The following RCAN1 variants were observed in gnomAD, a reference collection of about 807,000 sequenced individuals.
The protein encoded by RCAN1 is regulator of calcineurin 1.
Under a neutral mutation model 22.9 loss-of-function variants are expected in RCAN1, and 11 were observed. The ratio of observed to expected loss-of-function variants is 0.48; its 90% CI spans 0.30 to 0.79. RCAN1 has a LOEUF of 0.79. Ranked by LOEUF, RCAN1 falls within the 30% of genes least tolerant of loss-of-function variation. The pLI, the probability that RCAN1 is intolerant of heterozygous loss-of-function variation, is 0.06. For missense variants in RCAN1, 291 were observed against 337.8 expected, an observed-to-expected ratio of 0.86 and a Z score of 1.09; for synonymous variants, 136 against 142.3, an observed-to-expected ratio of 0.96 and a Z score of 0.32.
intron 1 of RCAN1, among the ~76,000 whole-genome samples, chr21:34,544,039 G>A (rs1466228586): frequency 6.6e-6 from 1 of 152,284 alleles, no homozygotes; most frequent in African/African-American, 2.4e-5. Flanking sequence ...GTCAAAGGTT[G>A]TTGTAGAATG....
At chr21:34,563,476 C>T (rs926063313) in intron 1 of RCAN1, among the ~76,000 whole-genome samples, 1 of 151,928 alleles carries the variant, frequency 6.6e-6, no homozygotes, top group South Asian at 2.1e-4. Context: ...AAACAGCTAC[C>T]GTTCACTCAG....
intron 1 of RCAN1, among the ~76,000 whole-genome samples, chr21:34,557,438 T>TG (rs1159821106): frequency 1.8e-4 from 27 of 152,192 alleles, no homozygotes; most frequent in Admixed American, 1.8e-3. Context: ...TATGGAAGGC[T>TG]GGTGCAGGTC....
Position 34,606,941 on chromosome 21 carries a change from A to T in RCAN1, c.252+7819T>A, listed in dbSNP as rs920489442. Among the ~76,000 whole-genome samples, 3 of 152,346 alleles carry T rather than the reference A, an allele frequency of 2.0e-5. No homozygotes were observed. In the East Asian group the frequency reaches 5.8e-4, roughly 29 times the overall value. On this transcript the variant is annotated intron_variant, in intron 1 of 3. Transcript: ENST00000313806. The stretch of plus-strand genomic sequence containing the variant: ...TGTTTTTTGTTATGGCAGCCTGAGA[A>T]GATTAATAATACAGTGATAAAATAA...
At chr21:34,579,918 G>A (rs1987544093) in intron 1 of RCAN1, among the ~76,000 whole-genome samples, 1 of 152,126 alleles carries the variant, frequency 6.6e-6, no homozygotes, top group Non-Finnish European at 1.5e-5. Context: ...CTTTAAAATT[G>A]CCTTTCCACT....
At chr21:34,521,229 G>A (rs1984498993) in intron 3 of RCAN1, 13 of 1,426,088 alleles carry the variant, frequency 9.1e-6, no homozygotes, top group Non-Finnish European at 1.2e-5. Context: ...AGTGGACACA[G>A]GAATGGATTC....
intron 1 of RCAN1, among the ~76,000 whole-genome samples, chr21:34,598,618 T>C (rs1160006994): frequency 6.6e-6 from 1 of 152,210 alleles, no homozygotes; most frequent in Non-Finnish European, 1.5e-5. Flanking sequence ...CATCTTGGCC[T>C]AGGTATGAAA....
intron 1 of RCAN1, among the ~76,000 whole-genome samples, chr21:34,562,496 G>C (rs1000373079): frequency 2.0e-5 from 3 of 152,158 alleles, no homozygotes; most frequent in African/African-American, 7.2e-5. Flanking sequence ...AGGCGACATG[G>C]GTGGTGCCAC....
intron 1 of RCAN1, chr21:34,525,458 G>A: frequency 7.5e-7 from 1 of 1,337,536 alleles, no homozygotes; most frequent in South Asian, 1.8e-5. Flanking sequence ...TTGAGCACGG[G>A]CAAGTTTCTG....
intron 1 of RCAN1, chr21:34,613,888 C>CT (rs1364051823): frequency 8.0e-6 from 11 of 1,381,516 alleles, no homozygotes; most frequent in South Asian, 3.4e-5. Flanking sequence ...GAAAGCACTG[C>CT]TTTTTTTGAC....
intron 1 of RCAN1, among the ~76,000 whole-genome samples, chr21:34,534,733 G>A (rs951753021): frequency 2.0e-5 from 3 of 152,176 alleles, no homozygotes; most frequent in African/African-American, 7.2e-5. Flanking sequence ...GGTGGTGTAG[G>A]GTTGTGATGA....
At chr21:34,605,070 G>A (rs750938557) in intron 1 of RCAN1, among the ~76,000 whole-genome samples, 1 of 152,244 alleles carries the variant, frequency 6.6e-6, no homozygotes, top group African/African-American at 2.4e-5. Context: ...AAGATGCAAA[G>A]TATTGTTCCT....
chr21:34,587,860 T>C (rs978376338), intron 1 of RCAN1, among the ~76,000 whole-genome samples: 4 of 152,182 alleles, frequency 2.6e-5, no homozygotes, highest in Admixed American at 6.5e-5. Flanking sequence ...GCGATTAACA[T>C]TTAGATTAGT....
At chr21:34,564,674 C>T (rs1434114483) in intron 1 of RCAN1, among the ~76,000 whole-genome samples, 1 of 152,044 alleles carries the variant, frequency 6.6e-6, no homozygotes, top group African/African-American at 2.4e-5. Context: ...AAGTTGGATA[C>T]AATATTCATT....
rs774759229 is a variant in RCAN1, at chr21:34,517,827, C to T, written c.*257G>A. On this transcript the variant is annotated 3_prime_UTR_variant, in exon 4 of 4. Transcript: ENST00000313806. ...ACTATCATTATCTGTTTTCTCAAGA[C>T]AGTCCCAAATGTCCTTGTGCGATCA... 23 of 523,802 alleles carry T rather than the reference C, an allele frequency of 4.4e-5. No homozygotes were observed. Among genetic ancestry groups the T allele is most frequent in the Non-Finnish European group, 7.2e-5 (21 of 293,020 alleles). 32.4% of individuals were successfully genotyped at this position (523,802 alleles called of 1,614,324 possible).
At chr21:34,532,741 T>A (rs906604260) in intron 1 of RCAN1, among the ~76,000 whole-genome samples, 2 of 152,204 alleles carry the variant, frequency 1.3e-5, no homozygotes, top group African/African-American at 4.8e-5. Flanking sequence ...AAATACTGAA[T>A]AGCCTTTTAC....
intron 1 of RCAN1, chr21:34,613,768 A>G (rs1485318251): frequency 6.7e-7 from 1 of 1,490,044 alleles, no homozygotes; most frequent in South Asian, 1.3e-5. Flanking sequence ...CATATAAATT[A>G]TAAATAAATG....
intron 1 of RCAN1, among the ~76,000 whole-genome samples, chr21:34,585,972 T>C (rs1987779958): frequency 6.6e-6 from 1 of 151,960 alleles, no homozygotes. Context: ...TAAAAAAGGG[T>C]CAATTTGCCA....
At chr21:34,550,308 T>C (rs1986320122) in intron 1 of RCAN1, among the ~76,000 whole-genome samples, 1 of 152,236 alleles carries the variant, frequency 6.6e-6, no homozygotes, top group Non-Finnish European at 1.5e-5. Flanking sequence ...AAGTGGCTTC[T>C]GTGAACTTTG....
At chr21:34,551,557 T>C (rs1986367476) in intron 1 of RCAN1, among the ~76,000 whole-genome samples, 1 of 152,208 alleles carries the variant, frequency 6.6e-6, no homozygotes, top group East Asian at 1.9e-4. Context: ...CATGTTCTGG[T>C]GATTGGTGAT....
Sources: gnomAD v4.1 joint callset for allele counts (sites outside exome capture counted in the v4.1 genomes callset) on GRCh38, gnomAD v4.1.1 for gene constraint, MANE v1.5 for transcripts, NCBI Gene and HGNC (gene_info 2026-07-23, HGNC 2026-07-21) for gene names.